The following KLF8 variants were observed in gnomAD, a reference collection of about 807,000 sequenced individuals.
KLF8 encodes Krueppel-like factor 8.
KLF8 carries 10 observed loss-of-function variants against 18.2 expected under a neutral mutation model. The ratio of observed to expected loss-of-function variants is 0.55; its 90% CI spans 0.34 to 0.93. The LOEUF (loss-of-function observed/expected upper bound fraction) is 0.93, where lower values mean the gene tolerates loss of function less well. Among genes scored for constraint, KLF8 ranks in the 40% least tolerant of loss-of-function variants. The pLI is 0.02. For synonymous variants in KLF8, 109 were observed against 97.3 expected (o/e 1.12, Z -0.71); for missense variants, 264 against 277.9 (o/e 0.95, Z 0.36).
the KLF8 span, among the ~76,000 whole-genome samples, chrX:56,081,087 G>A: frequency 9.0e-6 from 1 of 111,020 alleles, no homozygotes; most frequent in African/African-American, 3.3e-5. Context: ...CTTTGCCTTT[G>A]GTTTGAATGT....
chrX:56,078,897 C>T, the KLF8 span, among the ~76,000 whole-genome samples: 1 of 111,210 alleles, frequency 9.0e-6, no homozygotes, highest in South Asian at 3.8e-4. Flanking sequence ...AGGAATTTAT[C>T]CATTTCTTCT....
the KLF8 span, chrX:55,908,234 G>T: frequency 1.2e-5 from 3 of 241,778 alleles, no homozygotes. Flanking sequence ...AGGACAAAGG[G>T]GGCGGGGAGG....
the KLF8 span, among the ~76,000 whole-genome samples, chrX:56,042,576 CTT>C: frequency 4.4e-4 from 49 of 112,093 alleles, no homozygotes; most frequent in Admixed American, 3.8e-3. Context: ...AAATTGAACA[CTT>C]TACCATTATG....
the KLF8 span, among the ~76,000 whole-genome samples, chrX:55,938,794 G>C: frequency 9.6e-4 from 107 of 111,595 alleles, no homozygotes; most frequent in Non-Finnish European, 1.7e-3. Context: ...TTACATAATG[G>C]TAAAGGGATC....
At chrX:56,052,212 G>A in the KLF8 span, among the ~76,000 whole-genome samples, 17 of 110,822 alleles carry the variant, frequency 1.5e-4, no homozygotes, top group South Asian at 1.1e-3. Flanking sequence ...CCTTTGGTTT[G>A]AATGTCCTCC....
chrX:56,035,232 T>C, the KLF8 span, among the ~76,000 whole-genome samples: 1 of 111,981 alleles, frequency 8.9e-6, no homozygotes, highest in Admixed American at 9.5e-5. Flanking sequence ...AACCTTCAGT[T>C]CCTAGTTTAT....
At chrX:55,963,913 T>C in the KLF8 span, among the ~76,000 whole-genome samples, 2 of 111,397 alleles carry the variant, frequency 1.8e-5, no homozygotes, top group Non-Finnish European at 3.8e-5. Flanking sequence ...GCCAAAATTA[T>C]TCCATCTACA....
chrX:56,042,589 T>C, the KLF8 span, among the ~76,000 whole-genome samples: 1 of 112,321 alleles, frequency 8.9e-6, no homozygotes, highest in African/African-American at 3.2e-5. Context: ...TACCATTATG[T>C]AATGCCCTTC....
chrX:56,069,580 C>T, the KLF8 span, among the ~76,000 whole-genome samples: 3 of 111,400 alleles, frequency 2.7e-5, no homozygotes, highest in African/African-American at 9.8e-5. Flanking sequence ...CATGCCTGAT[C>T]GAGCTTCTGG....
At chrX:55,949,082 G>C in the KLF8 span, among the ~76,000 whole-genome samples, 1 of 111,820 alleles carries the variant, frequency 8.9e-6, no homozygotes, top group East Asian at 2.8e-4. Context: ...CTTTTAGTCA[G>C]GCTAGAGTAA....
At chrX:56,081,666 T>G in the KLF8 span, among the ~76,000 whole-genome samples, 1 of 112,038 alleles carries the variant, frequency 8.9e-6, no homozygotes, top group African/African-American at 3.2e-5. Flanking sequence ...TCCAGGTTTC[T>G]GGGTAGTTTT....
the KLF8 span, among the ~76,000 whole-genome samples, chrX:55,947,398 A>C: frequency 9.3e-6 from 1 of 107,242 alleles, no homozygotes; most frequent in African/African-American, 3.4e-5. Context: ...GAAAAAACCA[A>C]ACACCGCATA....
chrX:55,910,670 A>G, the KLF8 span, among the ~76,000 whole-genome samples: 6 of 112,121 alleles, frequency 5.4e-5, no homozygotes, highest in Admixed American at 1.9e-4. Context: ...ACAGGAAGTC[A>G]CTTGTAAAAA....
the KLF8 span, among the ~76,000 whole-genome samples, chrX:56,007,319 T>C: frequency 1.8e-5 from 2 of 110,858 alleles, no homozygotes; most frequent in Non-Finnish European, 3.8e-5. Flanking sequence ...ACTCTCAAAA[T>C]GGCGCTGTGA....
chrX:56,158,417 T>C, the KLF8 span, among the ~76,000 whole-genome samples: 4 of 112,147 alleles, frequency 3.6e-5, no homozygotes, highest in Non-Finnish European at 7.5e-5. Flanking sequence ...TTTTTTCCAA[T>C]TCTGTGAAGA....
the KLF8 span, among the ~76,000 whole-genome samples, chrX:56,226,108 C>T: frequency 6.3e-5 from 7 of 111,890 alleles, no homozygotes; most frequent in East Asian, 2.0e-3. Flanking sequence ...CACCTAGGCT[C>T]AGTGGAAAAA....
At chrX:56,021,199 T>C in the KLF8 span, among the ~76,000 whole-genome samples, 1 of 112,210 alleles carries the variant, frequency 8.9e-6, no homozygotes, top group Admixed American at 9.4e-5. Flanking sequence ...TGAAACCATA[T>C]GATATCTATT....
chrX:56,102,612 G>A, the KLF8 span, among the ~76,000 whole-genome samples: 1 of 110,799 alleles, frequency 9.0e-6, no homozygotes, highest in Non-Finnish European at 1.9e-5. Flanking sequence ...TTTCTATTTA[G>A]TTGTGTCATC....
chrX:56,138,925 T>A, the KLF8 span, among the ~76,000 whole-genome samples: 1 of 111,130 alleles, frequency 9.0e-6, no homozygotes, highest in Non-Finnish European at 1.9e-5. Context: ...AAGCCCATAG[T>A]CTCAGCCCAA....
Sources: gnomAD v4.1 joint callset for allele counts (sites outside exome capture counted in the v4.1 genomes callset) on GRCh38, gnomAD v4.1.1 for gene constraint, MANE v1.5 for transcripts, NCBI Gene and HGNC (gene_info 2026-07-23, HGNC 2026-07-21) for gene names.